TEK: variants seen among roughly 807,000 people sequenced by gnomAD.
TEK encodes TEK receptor tyrosine kinase.
Under a neutral mutation model 131.8 loss-of-function variants are expected in TEK, and 43 were observed. That is an observed-to-expected ratio of 0.33 (90% CI 0.26 to 0.42). TEK has a LOEUF of 0.42. Ranked by LOEUF, TEK falls within the 10% of genes least tolerant of loss-of-function variation. The probability of loss-of-function intolerance (pLI) is 1.00; values close to 1 mark genes in which losing one functional copy is unlikely to be tolerated. For synonymous variants in TEK, 580 were observed against 491.6 expected (o/e 1.18, Z -2.38); for missense variants, 1,162 against 1,384.4 (o/e 0.84, Z 2.55).
chr9:27,226,173 C>T (rs868102779), intron 21 of TEK, among the ~76,000 whole-genome samples: 15 of 152,256 alleles, frequency 9.9e-5, no homozygotes, highest in East Asian at 3.9e-4. Flanking sequence ...GTCAGTGTGG[C>T]GATTCCTCAG....
chr9:27,184,553 G>A (rs929107303), intron 8 of TEK, among the ~76,000 whole-genome samples: 6 of 152,126 alleles, frequency 3.9e-5, no homozygotes, highest in Admixed American at 2.0e-4. Context: ...AACCCATCAG[G>A]TAGAAGAAGC....
At chr9:27,125,269 C>T (rs1165210554) in intron 1 of TEK, among the ~76,000 whole-genome samples, 3 of 152,222 alleles carry the variant, frequency 2.0e-5, no homozygotes, top group Admixed American at 1.3e-4. Context: ...CTGAGTAACT[C>T]TAGAGTATGG....
intron 2 of TEK, among the ~76,000 whole-genome samples, chr9:27,166,152 A>C (rs1823724023): frequency 6.6e-6 from 1 of 152,236 alleles, no homozygotes. Context: ...CTTTATAGGA[A>C]TTCTTACTTT....
At chr9:27,171,374 G>T (rs1292874688) in intron 4 of TEK, among the ~76,000 whole-genome samples, 1 of 152,182 alleles carries the variant, frequency 6.6e-6, no homozygotes, top group Non-Finnish European at 1.5e-5. Context: ...ACCAAAATGT[G>T]TTGGTCATAA....
At chr9:27,129,068 A>G (rs1444204771) in intron 1 of TEK, among the ~76,000 whole-genome samples, 1 of 152,190 alleles carries the variant, frequency 6.6e-6, no homozygotes, top group African/African-American at 2.4e-5. Flanking sequence ...TTCAAAGGGA[A>G]TACTTCCAGT....
At chr9:27,212,563 T>C (rs1825675374) in intron 16 of TEK, 144 bp from the exon 17 acceptor site, 3 of 846,770 alleles carry the variant, frequency 3.5e-6, no homozygotes, top group Non-Finnish European at 5.8e-6. Flanking sequence ...GTCTTCCTCC[T>C]GTCCCCCAGT....
At chr9:27,199,676 A>T (rs1235664205) in intron 12 of TEK, among the ~76,000 whole-genome samples, 1 of 152,066 alleles carries the variant, frequency 6.6e-6, no homozygotes, top group African/African-American at 2.4e-5. Context: ...GATATACTGG[A>T]TGTCCTCTTT....
chr9:27,195,143 G>C (rs1586998041), intron 11 of TEK, among the ~76,000 whole-genome samples: 1 of 152,072 alleles, frequency 6.6e-6, no homozygotes, highest in East Asian at 1.9e-4. Flanking sequence ...AAGAGGAGAT[G>C]GCATCACCTC....
chr9:27,122,611 G>C (rs1821833290), intron 1 of TEK, among the ~76,000 whole-genome samples: 1 of 152,070 alleles, frequency 6.6e-6, no homozygotes. Context: ...ATGAAGCGGT[G>C]TGAGGTAGTG....
intron 17 of TEK, 48 bp from the exon 18 acceptor site, chr9:27,213,436 T>C: frequency 7.0e-7 from 1 of 1,422,528 alleles, no homozygotes; most frequent in Non-Finnish European, 9.9e-7. Context: ...TTTTCAGCCC[T>C]GGGGCTTTCA....
intron 10 of TEK, chr9:27,192,089 A>G (rs1402014996): frequency 1.0e-5 from 4 of 389,322 alleles, no homozygotes; most frequent in South Asian, 3.9e-5. Context: ...CAAACCTCCT[A>G]AGCATCTTTT....
chr9:27,222,074 C>T (rs1251490586), intron 21 of TEK, among the ~76,000 whole-genome samples: 4 of 152,076 alleles, frequency 2.6e-5, no homozygotes, highest in South Asian at 2.1e-4. Flanking sequence ...AATCACAGCA[C>T]GAATACTTCT....
At chr9:27,110,548 T>C (rs915093870) in intron 1 of TEK, among the ~76,000 whole-genome samples, 14 of 152,176 alleles carry the variant, frequency 9.2e-5, no homozygotes, top group African/African-American at 3.1e-4. Flanking sequence ...CTAATTTTAA[T>C]AACGAAAATC....
rs1262439277 is a variant in TEK, at chr9:27,109,504, G to T, written c.-87G>T. Reference sequence around the variant, plus strand: ...CAAGACGTAGTAGGACGATGCTAATGGAAAGTCACAAACCGCTGGGTTTTT... The same window carrying T: ...CAAGACGTAGTAGGACGATGCTAATTGAAAGTCACAAACCGCTGGGTTTTT... On this transcript the variant is annotated 5_prime_UTR_variant, in exon 1 of 23. An upstream start codon of the reference 5' UTR is lost. Coordinates refer to ENST00000380036, the MANE Select transcript of TEK (RefSeq NM_000459.5). 3.6e-6 allele frequency: 5 copies of T among 1,390,666 alleles called. No individual in the cohort carries two copies. In the African/African-American group the frequency reaches 7.1e-5, roughly 20 times the overall value. The allele number at this position is 1,390,666 out of a possible 1,614,324, so 86.1% of individuals were successfully genotyped here.
chr9:27,206,671 G>T lies in TEK; in HGVS notation c.2454G>T (p.Val818=). 1 of 1,614,008 alleles carries T rather than the reference G, an allele frequency of 6.2e-7. No homozygotes were observed. Among genetic ancestry groups the T allele is most frequent in the Non-Finnish European group, 8.5e-7 (1 of 1,179,952 alleles). ...ACCCAGATCCTACAATTTATCCAGT[G>T]CTTGACTGGAATGACATCAAATTTC... ...KNNPDPTIYP[V]LDWNDIKFQD... is the part of the protein sequence containing the mutation. Residue 818 remains valine (V), a synonymous_variant, in exon 15 of 23, where the codon GTG becomes GTT. Coordinates refer to ENST00000380036, the MANE Select transcript of TEK (RefSeq NM_000459.5).
At position 27,169,559 on chromosome 9, in the gene TEK, T is replaced by C; in HGVS notation, c.558T>C (p.Ala186=). The C allele has an allele frequency of 6.2e-7, 1 of 1,614,198 alleles. No homozygotes were observed. The highest frequency in any genetic ancestry group is 1.7e-5 in the Admixed American group (1 of 60,024). ...VHLPHAQPQD[A]GVYSARYIGG... ...TGCCTCATGCTCAGCCCCAGGATGC[T>C]GGAGTGTACTCGGCCAGGTATATAG... is the stretch of plus-strand genomic sequence containing the variant. Residue 186 remains alanine, a synonymous_variant, in exon 4 of 23, where the codon GCT becomes GCC. Transcript: ENST00000380036.
intron 1 of TEK, among the ~76,000 whole-genome samples, chr9:27,142,143 AAAGG>A (rs1315906047): frequency 6.6e-6 from 1 of 152,180 alleles, no homozygotes; most frequent in Non-Finnish European, 1.5e-5. Context: ...GAGGATATGA[AAAGG>A]AATGTGAGGG....
chr9:27,113,042 TCTA>T (rs1821406243), intron 1 of TEK, among the ~76,000 whole-genome samples: 1 of 152,180 alleles, frequency 6.6e-6, no homozygotes, highest in South Asian at 2.1e-4. Context: ...TTCACTGAAA[TCTA>T]CTGCTAAGAG....
chr9:27,167,581 A>C (rs1823779302), intron 2 of TEK, among the ~76,000 whole-genome samples: 1 of 152,204 alleles, frequency 6.6e-6, no homozygotes, highest in South Asian at 2.1e-4. Flanking sequence ...GTTACATGTC[A>C]GTACTGTCCA....
Sources: allele counts gnomAD v4.1 joint callset (sites outside exome capture counted in the v4.1 genomes callset), GRCh38; gene constraint gnomAD v4.1.1; transcripts MANE v1.5; gene names NCBI Gene and HGNC (gene_info 2026-07-23, HGNC 2026-07-21).